The following TOP3A variants were observed in gnomAD, a reference collection of about 807,000 sequenced individuals.
TOP3A encodes the protein DNA topoisomerase 3-alpha.
Under a neutral mutation model 111.3 loss-of-function variants are expected in TOP3A, and 64 were observed. The ratio of observed to expected loss-of-function variants is 0.57; its 90% CI spans 0.47 to 0.71. The LOEUF (loss-of-function observed/expected upper bound fraction) is 0.71, where lower values mean the gene tolerates loss of function less well. Among genes scored for constraint, TOP3A ranks in the 30% least tolerant of loss-of-function variants. The pLI is 0.00. For synonymous variants in TOP3A, 484 were observed against 485.1 expected (o/e 1.00, Z 0.03); for missense variants, 1,104 against 1,285.0 (o/e 0.86, Z 2.15).
chr17:18,293,405 C>T (rs1260776953), intron 10 of TOP3A, among the ~76,000 whole-genome samples: 1 of 151,898 alleles, frequency 6.6e-6, no homozygotes, highest in Non-Finnish European at 1.5e-5. Flanking sequence ...CCTGCCTCAG[C>T]CTCCTGAATA....
chr17:18,306,109 A>C (rs1217931111), intron 4 of TOP3A, among the ~76,000 whole-genome samples: 1 of 152,150 alleles, frequency 6.6e-6, no homozygotes, highest in Non-Finnish European at 1.5e-5. Flanking sequence ...GGCTAAGGCA[A>C]GAGAATCGCT....
Position 18,302,904 on chromosome 17 carries a change from A to G in TOP3A, c.500-181T>C. 7.7e-6 allele frequency: 5 copies of G among 645,766 alleles called. No homozygotes were observed. The South Asian group carries it at 1.1e-4, about 14-fold the overall frequency. The allele number at this position is 645,766 out of a possible 1,614,324, so 40.0% of individuals were successfully genotyped here. ...CAGTGTCTAAAGAGGAAACATCACC[A>G]TAACCTTTAAACTGAGTGTACTGTC... is the stretch of plus-strand genomic sequence containing the variant. On this transcript the variant is annotated intron_variant, in intron 5 of 18. Transcript: ENST00000321105.
At chr17:18,286,017 T>A (rs1456615716) in intron 13 of TOP3A, among the ~76,000 whole-genome samples, 1 of 151,524 alleles carries the variant, frequency 6.6e-6, no homozygotes, top group Non-Finnish European at 1.5e-5. Context: ...CTGGCCAACA[T>A]GCTGAAACCC....
intron 1 of TOP3A, among the ~76,000 whole-genome samples, chr17:18,309,672 T>G (rs527476442): frequency 6.7e-6 from 1 of 150,196 alleles, no homozygotes; most frequent in South Asian, 2.1e-4. Context: ...AAAAACACAT[T>G]CAAACAAAAA....
intron 10 of TOP3A, among the ~76,000 whole-genome samples, chr17:18,293,980 C>T (rs1351517033): frequency 2.6e-5 from 4 of 152,220 alleles, no homozygotes; most frequent in African/African-American, 9.7e-5. Flanking sequence ...GTATATTTTA[C>T]ATCTATAGCG....
intron 1 of TOP3A, among the ~76,000 whole-genome samples, chr17:18,314,281 A>G (rs963969186): frequency 6.6e-6 from 1 of 152,090 alleles, no homozygotes; most frequent in Non-Finnish European, 1.5e-5. Flanking sequence ...TAAAATACAC[A>G]CTTCCCCAGC....
intron 5 of TOP3A, 107 bp downstream of exon 5, chr17:18,305,005 A>G: frequency 2.3e-6 from 2 of 861,396 alleles, no homozygotes; most frequent in South Asian, 1.4e-5. Flanking sequence ...TGGGAGGGAG[A>G]GTACCTGCAG....
At chr17:18,299,882 G>C (rs1198532463) in intron 8 of TOP3A, among the ~76,000 whole-genome samples, 1 of 152,204 alleles carries the variant, frequency 6.6e-6, no homozygotes, top group Admixed American at 6.5e-5. Context: ...GCTTCCACCA[G>C]AGCCTATGAA....
chr17:18,311,670 T>C (rs1981920086), intron 1 of TOP3A, among the ~76,000 whole-genome samples: 1 of 152,240 alleles, frequency 6.6e-6, no homozygotes, highest in Non-Finnish European at 1.5e-5. Flanking sequence ...ATTAACAAAA[T>C]ATAATCACTG....
At chr17:18,307,032 A>T (rs1981621407) in intron 3 of TOP3A, 66 bp from the exon 4 acceptor site, 2 of 1,176,990 alleles carry the variant, frequency 1.7e-6, no homozygotes, top group Non-Finnish European at 2.5e-6. Context: ...ATCTAATGAC[A>T]GCAAACTGTT....
chr17:18,272,073 A>T lies in TOP3A; in HGVS notation c.*2729T>A, dbSNP rs187697075. The stretch of plus-strand genomic sequence containing the variant: ...AGAGCGAAACTCCATCTCAAAAAAA[A>T]ATAAAAAATAAAAAATAAAAAATGG... On this transcript the variant is annotated 3_prime_UTR_variant, in exon 19 of 19. Coordinates refer to ENST00000321105, the MANE Select transcript of TOP3A (RefSeq NM_004618.5). Among the ~76,000 whole-genome samples, 76 of 152,174 alleles carry T rather than the reference A, an allele frequency of 5.0e-4. 2 individuals carry two copies. In the East Asian group the frequency reaches 0.014, roughly 28 times the overall value.
rs777401390 is a variant in TOP3A, at chr17:18,292,660, G to C, written c.1266C>G (p.Tyr422Ter). ...GGAAACCAACCTGTAAGTTGTTGGTGTATTTGGTGGGGTGAATGGGAGGGT... is the reference window on the plus strand; with the variant it reads ...GGAAACCAACCTGTAAGTTGTTGGTCTATTTGGTGGGGTGAATGGGAGGGT... ...QAHPPIHPTK[Y>*]TNNLQGDEQR... The change falls in exon 11 of 19, where the codon TAC becomes TAG. Residue 422 changes from tyrosine (Y) to a stop codon, truncating the protein, a stop_gained. Coordinates refer to ENST00000321105, the MANE Select transcript of TOP3A (RefSeq NM_004618.5). LOFTEE classifies it high-confidence loss of function. 6.4e-7 allele frequency: 1 copy of C among 1,573,866 alleles called. No individual in the cohort carries two copies. The highest frequency in any genetic ancestry group is 8.7e-7 in the Non-Finnish European group (1 of 1,155,216).
chr17:18,299,087 AAAAG>A (rs1981057318), intron 9 of TOP3A, among the ~76,000 whole-genome samples: 1 of 151,896 alleles, frequency 6.6e-6, no homozygotes, highest in South Asian at 2.1e-4. Context: ...TTAAAAAAAA[AAAAG>A]AGCAAAACTC....
At chr17:18,312,734 C>A in intron 1 of TOP3A, 1 of 191,640 alleles carries the variant, frequency 5.2e-6, no homozygotes. Flanking sequence ...TTGGCTGGAA[C>A]TGCCATCTTG....
At chr17:18,296,392 C>T (rs1417036724) in intron 9 of TOP3A, among the ~76,000 whole-genome samples, 3 of 152,054 alleles carry the variant, frequency 2.0e-5, no homozygotes, top group Non-Finnish European at 4.4e-5. Context: ...CTACCCTGGC[C>T]AACATGGTGA....
At chr17:18,275,344 CTTTTT>C (rs71155327) in intron 18 of TOP3A, among the ~76,000 whole-genome samples, 22,996 of 75,356 alleles carry the variant, frequency 0.31, 2,075 homozygotes, top group African/African-American at 0.42. Flanking sequence ...GCTGAACCAA[CTTTTT>C]TTTTTTTTTT....
At chr17:18,276,052 G>A (rs1979351361) in intron 18 of TOP3A, among the ~76,000 whole-genome samples, 1 of 152,186 alleles carries the variant, frequency 6.6e-6, no homozygotes, top group Non-Finnish European at 1.5e-5. Context: ...TGTGCCTGCT[G>A]CCTTATGTTA....
rs2142919217 is a variant in TOP3A, at chr17:18,272,144, C to G, written c.*2658G>C. ...TTCTCCAAAGAATGTATACCAATGG[C>G]CAGTAAGCCTGTGGAAAGATGGTCA... On this transcript the variant is annotated 3_prime_UTR_variant, in exon 19 of 19. Coordinates refer to ENST00000321105, the MANE Select transcript of TOP3A (RefSeq NM_004618.5). 6.6e-6 allele frequency among the ~76,000 whole-genome samples: 1 copy of G among 152,230 alleles called. No homozygotes were observed. The highest frequency in any genetic ancestry group is 2.1e-4 in the South Asian group (1 of 4,814).
chr17:18,288,729 C>CTTA (rs1265561244), intron 13 of TOP3A, among the ~76,000 whole-genome samples: 2 of 152,200 alleles, frequency 1.3e-5, no homozygotes, highest in East Asian at 3.9e-4. Flanking sequence ...ATCCAGAAGT[C>CTTA]TTACTATGAG....
Sources: gnomAD v4.1 joint callset for allele counts (sites outside exome capture counted in the v4.1 genomes callset) on GRCh38, gnomAD v4.1.1 for gene constraint, MANE v1.5 for transcripts, NCBI Gene and HGNC (gene_info 2026-07-23, HGNC 2026-07-21) for gene names.